PRKN: variants seen among roughly 807,000 people sequenced by gnomAD.
PRKN encodes E3 ubiquitin-protein ligase parkin.
PRKN carries 56 observed loss-of-function variants against 59.5 expected under a neutral mutation model. That is an observed-to-expected ratio of 0.94 (90% CI 0.76 to 1.18). PRKN has a LOEUF of 1.18. Among genes scored for constraint, PRKN ranks in the 50% most tolerant of loss-of-function variants. The pLI is 0.00. For missense variants in PRKN, 657 were observed against 596.4 expected (o/e 1.10, Z -1.06); for synonymous variants, 250 against 222.1 (o/e 1.13, Z -1.12).
chr6:161,370,591 C>CAATAAAAAAAAAA (rs1785403947), intron 10 of PRKN, among the ~76,000 whole-genome samples: 1 of 57,836 alleles, frequency 1.7e-5, no homozygotes, highest in Non-Finnish European at 3.0e-5. Context: ...GACTCTGTGT[C>CAATAAAAAAAAAA]AAAAAAAAAA....
intron 2 of PRKN, among the ~76,000 whole-genome samples, chr6:162,408,697 T>C (rs551230544): frequency 1.3e-5 from 2 of 152,264 alleles, no homozygotes; most frequent in African/African-American, 4.8e-5. Flanking sequence ...GTGGAAAGTT[T>C]CTTTTTTGGT....
rs1003837841 is a variant in PRKN, at chr6:161,347,433, T to C, written c.*2666A>G. 1 of 152,208 alleles carries C rather than the reference T, an allele frequency of 6.6e-6. No homozygotes were observed. Among genetic ancestry groups the C allele is most frequent in the Non-Finnish European group, 1.5e-5 (1 of 68,040 alleles). The allele number at this position is 152,208 out of a possible 1,614,324, so 9.4% of individuals were successfully genotyped here. A position where few individuals can be genotyped will look rare whatever the true frequency, so the allele number is the denominator to read the frequency against. On this transcript the variant is annotated 3_prime_UTR_variant, in exon 12 of 12. Coordinates refer to ENST00000366898, the MANE Select transcript of PRKN (RefSeq NM_004562.3). ...ACTCAGAAGCTCTTTTGATGCTTTA[T>C]TGACAATTTAAGTACAATCTTAGAG...
At chr6:162,614,878 T>G (rs1448082689) in intron 1 of PRKN, among the ~76,000 whole-genome samples, 14 of 152,226 alleles carry the variant, frequency 9.2e-5, no homozygotes. Context: ...TTATAGGCAA[T>G]GCTCCACACT....
intron 7 of PRKN, among the ~76,000 whole-genome samples, chr6:161,687,899 A>G (rs919546517): frequency 6.6e-6 from 1 of 152,208 alleles, no homozygotes; most frequent in African/African-American, 2.4e-5. Flanking sequence ...AGAATGTTAA[A>G]GGTAAAATTG....
At chr6:162,213,186 G>C (rs1777467685) in intron 3 of PRKN, among the ~76,000 whole-genome samples, 1 of 152,076 alleles carries the variant, frequency 6.6e-6, no homozygotes, top group South Asian at 2.1e-4. Flanking sequence ...TGGGGTGGTG[G>C]TCCTAAAGAA....
chr6:162,722,036 G>C (rs1778958851), intron 1 of PRKN, among the ~76,000 whole-genome samples: 1 of 152,140 alleles, frequency 6.6e-6, no homozygotes, highest in Non-Finnish European at 1.5e-5. Context: ...TGGTGGTGAA[G>C]GTGCAATCTA....
intron 3 of PRKN, among the ~76,000 whole-genome samples, chr6:162,236,871 A>T (rs1778752306): frequency 6.6e-6 from 1 of 151,626 alleles, no homozygotes; most frequent in African/African-American, 2.4e-5. Flanking sequence ...AGAGAGAGAA[A>T]GAATGGGAGA....
intron 5 of PRKN, among the ~76,000 whole-genome samples, chr6:161,997,271 C>T (rs1355855732): frequency 9.2e-5 from 14 of 152,006 alleles, no homozygotes. Flanking sequence ...CCTAGGAAAA[C>T]ATTAATTTTA....
At chr6:162,052,814 A>G (rs1013820680) in intron 5 of PRKN, among the ~76,000 whole-genome samples, 1 of 152,076 alleles carries the variant, frequency 6.6e-6, no homozygotes, top group African/African-American at 2.4e-5. Flanking sequence ...GTTTGTACTT[A>G]CAAGTTTATA....
intron 6 of PRKN, among the ~76,000 whole-genome samples, chr6:161,913,705 C>T (rs150642994): frequency 1.6e-3 from 239 of 152,218 alleles, no homozygotes; most frequent in Admixed American, 3.5e-3. Flanking sequence ...AAGGATACAG[C>T]GATACATGAA....
At chr6:162,440,799 G>A (rs9356021) in intron 2 of PRKN, among the ~76,000 whole-genome samples, 1 of 151,596 alleles carries the variant, frequency 6.6e-6, no homozygotes, top group African/African-American at 2.4e-5. Flanking sequence ...GATATTTTGT[G>A]CTTATACTGT....
intron 9 of PRKN, among the ~76,000 whole-genome samples, chr6:161,513,335 G>A (rs1447725883): frequency 6.6e-6 from 1 of 152,108 alleles, no homozygotes; most frequent in Non-Finnish European, 1.5e-5. Flanking sequence ...CCGCCCCCCG[G>A]GTTCAAGTGA....
At chr6:162,131,961 C>T (rs985851807) in intron 4 of PRKN, among the ~76,000 whole-genome samples, 4 of 152,188 alleles carry the variant, frequency 2.6e-5, no homozygotes, top group African/African-American at 9.6e-5. Flanking sequence ...TGTGGACTTG[C>T]ACACCAACAC....
At chr6:162,279,703 C>A (rs935652733) in intron 2 of PRKN, among the ~76,000 whole-genome samples, 2 of 152,140 alleles carry the variant, frequency 1.3e-5, no homozygotes, top group African/African-American at 4.8e-5. Flanking sequence ...TGGTCTAGAG[C>A]TGAGTTCAAG....
intron 4 of PRKN, among the ~76,000 whole-genome samples, chr6:162,079,900 G>T (rs1427457545): frequency 6.6e-6 from 1 of 152,054 alleles, no homozygotes; most frequent in Non-Finnish European, 1.5e-5. Flanking sequence ...TATGTTTATT[G>T]GAAAAATGAA....
At chr6:162,309,644 G>A (rs1782391462) in intron 2 of PRKN, among the ~76,000 whole-genome samples, 1 of 143,154 alleles carries the variant, frequency 7.0e-6, no homozygotes, top group South Asian at 2.1e-4. Flanking sequence ...AAGCTGTATG[G>A]AAAAAGTTGT....
intron 6 of PRKN, among the ~76,000 whole-genome samples, chr6:161,891,763 T>C (rs1795353498): frequency 6.6e-6 from 1 of 152,184 alleles, no homozygotes; most frequent in East Asian, 1.9e-4. Flanking sequence ...ATGTAGAGTG[T>C]CTGAGCCACC....
intron 1 of PRKN, among the ~76,000 whole-genome samples, chr6:162,653,472 T>G (rs549577202): frequency 6.6e-6 from 1 of 152,294 alleles, no homozygotes; most frequent in African/African-American, 2.4e-5. Flanking sequence ...ATAGAAAATC[T>G]TAGAAAATTT....
chr6:162,094,821 G>A (rs1313354641), intron 4 of PRKN, among the ~76,000 whole-genome samples: 1 of 152,160 alleles, frequency 6.6e-6, no homozygotes, highest in Non-Finnish European at 1.5e-5. Flanking sequence ...ATTTAGGAGG[G>A]AAATTTTAAT....
Sources: gnomAD v4.1 joint callset for allele counts (sites outside exome capture counted in the v4.1 genomes callset) on GRCh38, gnomAD v4.1.1 for gene constraint, MANE v1.5 for transcripts, NCBI Gene and HGNC (gene_info 2026-07-23, HGNC 2026-07-21) for gene names.